Variants in ALG14 observed in about 807,000 individuals in gnomAD.
ALG14 encodes UDP-N-acetylglucosamine transferase subunit ALG14.
ALG14 carries 17 observed loss-of-function variants against 22.8 expected under a neutral mutation model. The observed-to-expected ratio is 0.75, with a 90% CI of 0.51 to 1.12. The LOEUF (loss-of-function observed/expected upper bound fraction) is 1.12, where lower values mean the gene tolerates loss of function less well. Ranked by LOEUF, ALG14 falls within the 50% of genes most tolerant of loss-of-function variation. The pLI, the probability that ALG14 is intolerant of heterozygous loss-of-function variation, is 0.00. For missense variants in ALG14, 288 were observed against 271.8 expected (o/e 1.06, Z -0.42); for synonymous variants, 89 against 103.7 (o/e 0.86, Z 0.86).
At chr1:95,045,918 A>T (rs966605198) in intron 2 of ALG14, among the ~76,000 whole-genome samples, 5 of 90,070 alleles carry the variant, frequency 5.6e-5, no homozygotes, top group Admixed American at 2.2e-4. Flanking sequence ...GTATACTAAT[A>T]ATTAGTATAC....
intron 1 of ALG14, among the ~76,000 whole-genome samples, chr1:95,069,711 A>T (rs74103637): frequency 0.052 from 7,920 of 152,146 alleles, 224 homozygotes; most frequent in South Asian, 0.097. Flanking sequence ...AGAAGCAAAA[A>T]TTTTTCTCTG....
intron 3 of ALG14, among the ~76,000 whole-genome samples, chr1:94,998,990 G>C (rs1672981010): frequency 6.6e-6 from 1 of 152,056 alleles, no homozygotes; most frequent in Non-Finnish European, 1.5e-5. Context: ...TACATTGTTA[G>C]GTGTCTAGAG....
chr1:95,006,024 G>A (rs1673209182), intron 3 of ALG14, among the ~76,000 whole-genome samples: 1 of 152,130 alleles, frequency 6.6e-6, no homozygotes, highest in Non-Finnish European at 1.5e-5. Flanking sequence ...TGGAAACTGA[G>A]GGAAGACTGT....
intron 2 of ALG14, among the ~76,000 whole-genome samples, chr1:95,059,115 T>G (rs915643379): frequency 9.2e-5 from 14 of 151,984 alleles, no homozygotes; most frequent in African/African-American, 3.4e-4. Flanking sequence ...GAGATTATTC[T>G]TGGCTGGGCA....
chr1:95,033,851 C>T (rs1361230373), intron 2 of ALG14, among the ~76,000 whole-genome samples: 2 of 152,182 alleles, frequency 1.3e-5, no homozygotes, highest in African/African-American at 4.8e-5. Flanking sequence ...TGCTCCCCTA[C>T]AATCTATTCT....
chr1:95,050,906 C>T (rs1421558378), intron 2 of ALG14, among the ~76,000 whole-genome samples: 1 of 148,548 alleles, frequency 6.7e-6, no homozygotes. Flanking sequence ...CACTGTGTCA[C>T]CCAGGCTGAA....
chr1:95,047,909 G>A (rs12402604), intron 2 of ALG14, among the ~76,000 whole-genome samples: 27,143 of 152,100 alleles, frequency 0.18, 3,049 homozygotes, highest in East Asian at 0.58. Context: ...CCAGGAGTTC[G>A]AGGTTGCAGT....
At chr1:95,017,874 G>A (rs1027411980) in intron 3 of ALG14, among the ~76,000 whole-genome samples, 5 of 152,222 alleles carry the variant, frequency 3.3e-5, no homozygotes, top group African/African-American at 1.2e-4. Flanking sequence ...TGTCCTGGCA[G>A]GAGGTGAGCA....
chr1:94,999,175 G>T (rs559820155), intron 3 of ALG14, among the ~76,000 whole-genome samples: 6 of 151,618 alleles, frequency 4.0e-5, no homozygotes, highest in Non-Finnish European at 8.8e-5. Context: ...ACTACAAAGA[G>T]AGAGCTTGTC....
chr1:95,026,509 TGTGTGA>T (rs1234695400), intron 3 of ALG14, among the ~76,000 whole-genome samples: 17 of 151,830 alleles, frequency 1.1e-4, no homozygotes, highest in African/African-American at 4.1e-4. Context: ...TGTGTATGTG[TGTGTGA>T]GACAGAGAGA....
intron 2 of ALG14, among the ~76,000 whole-genome samples, chr1:95,049,763 T>TG (rs962306723): frequency 1.3e-5 from 2 of 151,456 alleles, no homozygotes; most frequent in African/African-American, 4.9e-5. Flanking sequence ...CCCAGCTACT[T>TG]GGGGGGCTGA....
intron 3 of ALG14, among the ~76,000 whole-genome samples, chr1:94,992,655 T>C (rs1672804309): frequency 6.6e-6 from 1 of 152,108 alleles, no homozygotes; most frequent in South Asian, 2.1e-4. Context: ...TTGTAGTGAA[T>C]AACCTAAACA....
intron 3 of ALG14, among the ~76,000 whole-genome samples, chr1:94,993,493 G>C (rs1463528192): frequency 1.3e-5 from 2 of 150,008 alleles, no homozygotes; most frequent in African/African-American, 4.9e-5. Context: ...CATGTATAAA[G>C]ATAGAAGAAG....
chr1:95,019,323 C>T (rs1203793971), intron 3 of ALG14, among the ~76,000 whole-genome samples: 2 of 152,200 alleles, frequency 1.3e-5, no homozygotes, highest in Non-Finnish European at 2.9e-5. Flanking sequence ...AAGGTCTTAT[C>T]AGCAGGGACC....
rs183321606 is a variant in ALG14, at chr1:94,989,341, T to C, written c.421-6035A>G. On this transcript the variant is annotated intron_variant, in intron 3 of 3. Coordinates refer to ENST00000370205, the MANE Select transcript of ALG14 (RefSeq NM_144988.4). The stretch of plus-strand genomic sequence containing the variant: ...ATTATTATGGATCAGGAATGGACCA[T>C]GTGGTCTTTTTTTTTCTTTGTTTTG... Among the ~76,000 whole-genome samples the C allele has an allele frequency of 5.5e-3, 839 of 152,298 alleles. 17 individuals carry two copies. Among genetic ancestry groups the C allele is most frequent in the Non-Finnish European group, 5.2e-3 (355 of 68,026 alleles).
chr1:95,040,046 C>T (rs1391929982), intron 2 of ALG14, among the ~76,000 whole-genome samples: 1 of 151,898 alleles, frequency 6.6e-6, no homozygotes, highest in Admixed American at 6.6e-5. Flanking sequence ...GTGGCTCGCA[C>T]CTGTGGTCCC....
At chr1:95,033,442 C>CACACAT (rs1674082935) in intron 2 of ALG14, among the ~76,000 whole-genome samples, 1 of 143,158 alleles carries the variant, frequency 7.0e-6, no homozygotes, top group African/African-American at 2.6e-5. Context: ...CACACACACA[C>CACACAT]ACATACATAT....
At chr1:94,997,556 A>G (rs1672940182) in intron 3 of ALG14, among the ~76,000 whole-genome samples, 1 of 152,176 alleles carries the variant, frequency 6.6e-6, no homozygotes, top group East Asian at 1.9e-4. Context: ...TGGGCTCTGG[A>G]GCCTGACTGC....
intron 3 of ALG14, among the ~76,000 whole-genome samples, chr1:95,024,442 A>T (rs1357921977): frequency 6.6e-6 from 1 of 152,194 alleles, no homozygotes; most frequent in Non-Finnish European, 1.5e-5. Context: ...AAAATACTGG[A>T]TAACTTTTCA....
Sources: gnomAD v4.1 joint callset for allele counts (sites outside exome capture counted in the v4.1 genomes callset) on GRCh38, gnomAD v4.1.1 for gene constraint, MANE v1.5 for transcripts, NCBI Gene and HGNC (gene_info 2026-07-23, HGNC 2026-07-21) for gene names.